MDGA2: variants seen among roughly 807,000 people sequenced by gnomAD.
MDGA2 encodes the protein MAM domain-containing glycosylphosphatidylinositol anchor protein 2.
A neutral mutation model predicts 117.8 loss-of-function variants in MDGA2; 40 were observed. The observed-to-expected ratio is 0.34, with a 90% CI of 0.26 to 0.44. The LOEUF (loss-of-function observed/expected upper bound fraction) is 0.44. MDGA2 is among the 20% of genes least tolerant of loss of function. The pLI, the probability that MDGA2 is intolerant of heterozygous loss-of-function variation, is 1.00. For missense variants in MDGA2, 1,123 were observed against 1,250.6 expected (o/e 0.90, Z 1.54); for synonymous variants, 452 against 439.0 (o/e 1.03, Z -0.37).
At chr14:47,303,231 T>C (rs1221937486) in intron 1 of MDGA2, among the ~76,000 whole-genome samples, 1 of 152,172 alleles carries the variant, frequency 6.6e-6, no homozygotes, top group African/African-American at 2.4e-5. Flanking sequence ...GGTATTATAT[T>C]CGTTGGCTAA....
At chr14:47,577,095 T>C (rs2138832738) in intron 1 of MDGA2, among the ~76,000 whole-genome samples, 1 of 152,210 alleles carries the variant, frequency 6.6e-6, no homozygotes, top group South Asian at 2.1e-4. Flanking sequence ...CATGTTACTG[T>C]GCATATTTCT....
At chr14:47,046,463 G>A (rs555425274) in intron 7 of MDGA2, among the ~76,000 whole-genome samples, 27 of 151,760 alleles carry the variant, frequency 1.8e-4, no homozygotes, top group African/African-American at 6.5e-4. Context: ...GGGGTTGGGG[G>A]AGAGGGGAGG....
chr14:46,933,339 CTTTAAAA>C (rs1884650270), intron 9 of MDGA2, among the ~76,000 whole-genome samples: 1 of 151,790 alleles, frequency 6.6e-6, no homozygotes. Context: ...AGCAAGAAGT[CTTTAAAA>C]AAATTTTTTT....
At chr14:47,352,460 ACT>A (rs376110716) in intron 1 of MDGA2, among the ~76,000 whole-genome samples, 69 of 151,680 alleles carry the variant, frequency 4.5e-4, no homozygotes, top group African/African-American at 1.6e-3. Flanking sequence ...AACCTAGCTG[ACT>A]CTCTTTTTGG....
chr14:47,342,466 T>C (rs1890659466), intron 1 of MDGA2, among the ~76,000 whole-genome samples: 2 of 151,998 alleles, frequency 1.3e-5, no homozygotes, highest in Non-Finnish European at 2.9e-5. Flanking sequence ...TTAGTATCTC[T>C]TATTTCACAA....
intron 1 of MDGA2, among the ~76,000 whole-genome samples, chr14:47,350,805 C>A (rs949361136): frequency 2.0e-5 from 3 of 152,148 alleles, no homozygotes; most frequent in Middle Eastern, 3.2e-3. Context: ...GATTTCAATA[C>A]AAAGTTTCAA....
intron 1 of MDGA2, among the ~76,000 whole-genome samples, chr14:47,391,624 C>T (rs952543994): frequency 6.6e-6 from 1 of 152,172 alleles, no homozygotes; most frequent in Non-Finnish European, 1.5e-5. Flanking sequence ...CAAGGCAACT[C>T]ATTTCTCTGA....
intron 1 of MDGA2, among the ~76,000 whole-genome samples, chr14:47,434,613 A>G (rs571080117): frequency 6.6e-6 from 1 of 152,308 alleles, no homozygotes; most frequent in South Asian, 2.1e-4. Context: ...ACAGATAATG[A>G]TAAGATACCC....
At chr14:47,085,253 A>C (rs1175698796) in intron 6 of MDGA2, among the ~76,000 whole-genome samples, 1 of 152,164 alleles carries the variant, frequency 6.6e-6, no homozygotes, top group Non-Finnish European at 1.5e-5. Context: ...AAATTAGAAA[A>C]ATAATTAGCA....
intron 6 of MDGA2, among the ~76,000 whole-genome samples, chr14:47,062,454 G>A (rs997959067): frequency 6.6e-6 from 1 of 151,370 alleles, no homozygotes; most frequent in African/African-American, 2.4e-5. Context: ...ATATGGAAAA[G>A]CTTTCTCTCT....
chr14:47,442,537 G>C (rs1328997293), intron 1 of MDGA2, among the ~76,000 whole-genome samples: 1 of 152,110 alleles, frequency 6.6e-6, no homozygotes, highest in Non-Finnish European at 1.5e-5. Flanking sequence ...GGCAGGAGCA[G>C]AGTATTAACA....
In MDGA2 at chr14:47,281,971, C is replaced by T. The variant is rs180719976; in HGVS notation, c.420+19440G>A. Among the ~76,000 whole-genome samples the T allele has an allele frequency of 1.1e-4, 16 of 150,124 alleles. No homozygotes were observed. The East Asian group carries it at 2.4e-3, about 23-fold the overall frequency. On this transcript the variant is annotated intron_variant, in intron 2 of 16. Transcript: ENST00000399232. ...TCGGGAGGCTGAGGCACAAGAATCG[C>T]TTGAACCCGGGAGGCGGAGGTTGCA... is the stretch of plus-strand genomic sequence containing the variant.
At chr14:47,335,410 C>A (rs940219180) in intron 1 of MDGA2, among the ~76,000 whole-genome samples, 2 of 151,274 alleles carry the variant, frequency 1.3e-5, no homozygotes, top group South Asian at 4.2e-4. Flanking sequence ...AGGGAATGAG[C>A]CATATGGATA....
At chr14:46,954,344 TAGTG>T (rs1885482107) in intron 9 of MDGA2, among the ~76,000 whole-genome samples, 1 of 151,974 alleles carries the variant, frequency 6.6e-6, no homozygotes, top group Non-Finnish European at 1.5e-5. Context: ...TTCTTTGAAA[TAGTG>T]AGTTGTAAAG....
At chr14:47,531,068 AC>A (rs1895088955) in intron 1 of MDGA2, among the ~76,000 whole-genome samples, 1 of 151,864 alleles carries the variant, frequency 6.6e-6, no homozygotes, top group Non-Finnish European at 1.5e-5. Context: ...ACACGATGAA[AC>A]CCCGTCTCTA....
intron 8 of MDGA2, among the ~76,000 whole-genome samples, chr14:46,986,622 T>C (rs1438031486): frequency 6.6e-6 from 1 of 152,068 alleles, no homozygotes; most frequent in African/African-American, 2.4e-5. Context: ...TTCCAAAAGA[T>C]AAATGTCTTA....
chr14:47,454,151 T>C (rs747469606), intron 1 of MDGA2, among the ~76,000 whole-genome samples: 4 of 152,040 alleles, frequency 2.6e-5, no homozygotes, highest in Non-Finnish European at 5.9e-5. Flanking sequence ...AGCCTCTTTG[T>C]TCTTTAGGCT....
intron 7 of MDGA2, among the ~76,000 whole-genome samples, chr14:47,056,016 G>A (rs1225943486): frequency 2.6e-5 from 4 of 152,074 alleles, no homozygotes; most frequent in African/African-American, 9.7e-5. Context: ...ACTTTTGATT[G>A]CAGGGTAGCT....
chr14:46,930,754 A>C (rs1402591222), intron 9 of MDGA2, among the ~76,000 whole-genome samples: 1 of 152,150 alleles, frequency 6.6e-6, no homozygotes, highest in Non-Finnish European at 1.5e-5. Flanking sequence ...TGAAATGACC[A>C]CATTATATTT....
Sources: allele counts gnomAD v4.1 joint callset (sites outside exome capture counted in the v4.1 genomes callset), GRCh38; gene constraint gnomAD v4.1.1; transcripts MANE v1.5; gene names NCBI Gene and HGNC (gene_info 2026-07-23, HGNC 2026-07-21).